The following ARHGAP9 variants were observed in gnomAD, a reference collection of about 807,000 sequenced individuals.
The protein encoded by ARHGAP9 is Rho GTPase activating protein 9.
ARHGAP9 carries 76 observed loss-of-function variants against 87.3 expected under a neutral mutation model. That is an observed-to-expected ratio of 0.87 (90% CI 0.72 to 1.05). The LOEUF (loss-of-function observed/expected upper bound fraction) is 1.05. ARHGAP9 is among the 50% of genes least tolerant of loss of function. The pLI is 0.00. For synonymous variants in ARHGAP9, 382 were observed against 394.9 expected, an observed-to-expected ratio of 0.97 and a Z score of 0.39; for missense variants, 941 against 960.5, an observed-to-expected ratio of 0.98 and a Z score of 0.27.
chr12:57,474,145 C>A lies in ARHGAP9; in HGVS notation c.1815G>T (p.Trp605Cys), dbSNP rs1370003899. ...EGRLDLDSTE[W>C]DDIHVVTGAL... is the part of the protein sequence containing the mutation. ...CTCCGGTGACCACATGAATGTCATC[C>A]CACTCAGTACTGTCCAAATCTAACC... is the stretch of plus-strand genomic sequence containing the variant. Residue 605 changes from tryptophan (W) to cysteine (C), a missense_variant, in exon 16 of 18, where the codon TGG becomes TGT. Coordinates refer to ENST00000393791, the MANE Select transcript of ARHGAP9 (RefSeq NM_032496.4). 6.2e-7 allele frequency: 1 copy of A among 1,614,140 alleles called. No individual in the cohort carries two copies. The highest frequency in any genetic ancestry group is 1.1e-5 in the South Asian group (1 of 91,080).
At chr12:57,483,245 A>C (rs1237451904), upstream of ARHGAP9, among the ~76,000 whole-genome samples, 2 of 152,200 alleles carry the variant, frequency 1.3e-5, no homozygotes, top group African/African-American at 4.8e-5. Flanking sequence ...CCTAGCAGCC[A>C]ACCTGAATTT....
In ARHGAP9 at chr12:57,479,095, A is replaced by G; in HGVS notation, c.312T>C (p.Thr104=). 1 of 1,614,044 alleles carries G rather than the reference A, an allele frequency of 6.2e-7. No individual in the cohort carries two copies. The highest frequency in any genetic ancestry group is 2.2e-5 in the East Asian group (1 of 44,868). The change falls in exon 2 of 18, where the codon ACT becomes ACC. Residue 104 remains threonine (T), a synonymous_variant. Transcript: ENST00000393791. The part of the protein sequence containing the change: ...TTVIPGQLLW[T]PGPKLFHGSL... ...GAGGGCTTAGCGCTTACTCACCAGG[A>G]GTCCAGAGCAATTGGCCGGGGATGA...
chr12:57,477,796 G>GGCT (rs1565625923), intron 3 of ARHGAP9, 116 bp from the exon 4 acceptor site: 1 of 1,535,982 alleles, frequency 6.5e-7, no homozygotes, highest in Admixed American at 2.0e-5. Context: ...GCCAGCTCTG[G>GGCT]GCTGAGGTGA....
chr12:57,474,000 G>T (rs1872708300), intron 16 of ARHGAP9, 42 bp downstream of exon 16: 1 of 1,593,124 alleles, frequency 6.3e-7, no homozygotes, highest in Non-Finnish European at 8.6e-7. Context: ...TACCACCCGT[G>T]TCCCCCACAT....
At position 57,475,943 on chromosome 12, in the gene ARHGAP9, G is replaced by C; in HGVS notation, c.1213-12C>G. On this transcript the variant is annotated splice_polypyrimidine_tract_variant and intron_variant, in intron 9 of 17. Transcript: ENST00000393791. ...GGGATCGTGCGGATCTGAGGGCCAG[G>C]CAAGGAAACGCTCGGGTCAACGGGA... 6.2e-7 allele frequency: 1 copy of C among 1,609,722 alleles called. No individual in the cohort carries two copies. The highest frequency in any genetic ancestry group is 1.1e-5 in the South Asian group (1 of 90,652).
rs774098551 is a variant in ARHGAP9, at chr12:57,478,751, T to A, written c.323A>T (p.Lys108Met). The A allele has an allele frequency of 1.0e-5, 16 of 1,606,456 alleles. No homozygotes were observed. Among genetic ancestry groups the A allele is most frequent in the Non-Finnish European group, 1.4e-5 (16 of 1,174,580 alleles). Reference protein sequence around the residue: ...PGQLLWTPGPKLFHGSLEELS... With the variant: ...PGQLLWTPGPMLFHGSLEELS... ...CTCCTCCAGGGAACCATGAAACAAC[T>A]TCGGCCCTGGAAACAGAAAAGGGGA... is the stretch of plus-strand genomic sequence containing the variant. Residue 108 changes from lysine to methionine, a missense_variant, in exon 3 of 18, where the codon AAG becomes ATG. Coordinates refer to ENST00000393791, the MANE Select transcript of ARHGAP9 (RefSeq NM_032496.4).
chr12:57,475,079 G>T, intron 12 of ARHGAP9, 106 bp from the exon 13 acceptor site: 1 of 1,273,164 alleles, frequency 7.9e-7, no homozygotes, highest in Non-Finnish European at 1.1e-6. Flanking sequence ...CTGGCTGCCT[G>T]TGCCAGGCCT....
At chr12:57,477,743 T>C (rs565918616) in intron 3 of ARHGAP9, 63 bp from the exon 4 acceptor site, 1 of 1,583,572 alleles carries the variant, frequency 6.3e-7, no homozygotes, top group Non-Finnish European at 8.6e-7. Context: ...ATGCTTCTCT[T>C]GGCCTTCCCA....
Position 57,477,651 on chromosome 12 carries a change from G to C in ARHGAP9, c.564C>G (p.Pro188=). ...TAGPQPLMSE[P]PVYCNLVDLR... ...GGTCCACCAGGTTACAGTACACAGG[G>C]GGCTCTGACATGAGGGGCTGGGGGC... The change falls in exon 4 of 18, where the codon CCC becomes CCG. Residue 188 remains proline (P), a synonymous_variant. Transcript: ENST00000393791. The C allele has an allele frequency of 6.2e-7, 1 of 1,613,278 alleles. No individual in the cohort carries two copies. Among genetic ancestry groups the C allele is most frequent in the Non-Finnish European group, 8.5e-7 (1 of 1,179,622 alleles).
Position 57,476,175 on chromosome 12 carries a change from G to A in ARHGAP9, c.1117-9C>T. ...CGGCTACCCGCTGGTCCCTGACAATGAGGGAGGAAACTGAGGCCACGGTGT... is the reference window on the plus strand; with the variant it reads ...CGGCTACCCGCTGGTCCCTGACAATAAGGGAGGAAACTGAGGCCACGGTGT... On this transcript the variant is annotated splice_polypyrimidine_tract_variant and intron_variant, in intron 8 of 17. Coordinates refer to ENST00000393791, the MANE Select transcript of ARHGAP9 (RefSeq NM_032496.4). 1 of 1,535,554 alleles carries A rather than the reference G, an allele frequency of 6.5e-7. No homozygotes were observed. Among genetic ancestry groups the A allele is most frequent in the South Asian group, 1.2e-5 (1 of 82,426 alleles).
chr12:57,476,952 G>T lies in ARHGAP9; in HGVS notation c.882C>A (p.Ser294Arg). ...CAAGCTGCGAGGTGCGTTGGCTGAG[G>T]CTGAGTGAACCCTAGGGGAGAGGAT... ...PEPLDPQGSL[S>R]LSQRTSQLDP... The change falls in exon 6 of 18, where the codon AGC becomes AGA. Residue 294 changes from serine (S) to arginine (R), a missense_variant. Physicochemically the swap from Ser to Arg is moderately radical, Grantham distance 110. Transcript: ENST00000393791. The T allele has an allele frequency of 6.2e-7, 1 of 1,613,654 alleles. No individual in the cohort carries two copies. The highest frequency in any genetic ancestry group is 1.1e-5 in the South Asian group (1 of 91,048).
chr12:57,479,371 C>T lies in ARHGAP9; in HGVS notation c.36G>A (p.Gly12=), dbSNP rs777771531. The T allele has an allele frequency of 3.7e-6, 6 of 1,613,456 alleles. No homozygotes were observed. The South Asian group carries it at 5.5e-5, about 15-fold the overall frequency. Residue 12 remains glycine (G), a synonymous_variant, in exon 2 of 18, where the codon GGG becomes GGA. Transcript: ENST00000393791. ...LSSRWWPSSW[G]ILGLGPRSPP... ...GGCTTCGGGGGCCCAGCCCTAGGAT[C>T]CCCCAGGAACTTGGCCACCACCGGC...
chr12:57,479,441 C>A lies in ARHGAP9; in HGVS notation c.-18-17G>T, dbSNP rs1442347886. 6 of 1,598,442 alleles carry A rather than the reference C, an allele frequency of 3.8e-6. No homozygotes were observed. The highest frequency in any genetic ancestry group is 5.1e-6 in the Non-Finnish European group (6 of 1,173,242). ...CACTGTCACCTGTGAGAAAAAGGGA[C>A]ACTGGAGACCCAGAAGGGAATAGGC... On this transcript the variant is annotated splice_polypyrimidine_tract_variant and intron_variant, in intron 1 of 17. Coordinates refer to ENST00000393791, the MANE Select transcript of ARHGAP9 (RefSeq NM_032496.4).
chr12:57,477,586 C>T lies in ARHGAP9; in HGVS notation c.629G>A (p.Cys210Tyr). Residue 210 changes from cysteine to tyrosine, a missense_variant, in exon 4 of 18, where the codon TGC becomes TAC. Cys to Tyr is a radical substitution (Grantham distance 194, BLOSUM62 -2). Transcript: ENST00000393791. ...CPRSPPPGPA[C>Y]PLLQRLDAWE... is the part of the protein sequence containing the mutation. ...GGCATCCAGCCTCTGCAGCAGGGGG[C>T]ATGCAGGGCCTGGGGGTGGGGACCG... is the stretch of plus-strand genomic sequence containing the variant. 2 of 1,612,810 alleles carry T rather than the reference C, an allele frequency of 1.2e-6. No individual in the cohort carries two copies. Among genetic ancestry groups the T allele is most frequent in the Non-Finnish European group, 1.7e-6 (2 of 1,179,326 alleles).
At chr12:57,475,132 A>G (rs1594768570) in intron 12 of ARHGAP9, 159 bp from the exon 13 acceptor site, 2 of 1,117,912 alleles carry the variant, frequency 1.8e-6, no homozygotes, top group Non-Finnish European at 2.5e-6. Context: ...TGCTTCAAAC[A>G]ATCTGGCAAA....
rs746754367 is a variant in ARHGAP9, at chr12:57,479,111, C to T, written c.296G>A (p.Gly99Asp). The T allele has an allele frequency of 2.5e-6, 4 of 1,614,070 alleles. No individual in the cohort carries two copies. In the Admixed American group the frequency reaches 5.0e-5, roughly 20 times the overall value. ...CTCACCAGGAGTCCAGAGCAATTGG[C>T]CGGGGATGACGGTAGTTGGACTCTG... ...PSQSPTTVIP[G>D]QLLWTPGPKL... is the part of the protein sequence containing the mutation. Residue 99 changes from glycine (G) to aspartate (D), a missense_variant, in exon 2 of 18, where the codon GGC becomes GAC. Gly to Asp is a moderately conservative substitution (Grantham distance 94). Transcript: ENST00000393791.
At chr12:57,485,436 A>G (rs1351792699) in intron 1 of ARHGAP9, among the ~76,000 whole-genome samples, 1 of 151,256 alleles carries the variant, frequency 6.6e-6, no homozygotes, top group Admixed American at 6.6e-5. Flanking sequence ...GGTGTCTGTA[A>G]TCCCGGCTAC....
intron 8 of ARHGAP9, 27 bp from the exon 9 acceptor site, chr12:57,476,193 C>T (rs1594775125): frequency 1.3e-6 from 2 of 1,526,028 alleles, no homozygotes; most frequent in Non-Finnish European, 1.8e-6. Context: ...AAACTGAGGC[C>T]ACGGTGTTGT....
intron 1 of ARHGAP9, chr12:57,488,291 C>G: frequency 8.4e-7 from 1 of 1,192,922 alleles, no homozygotes; most frequent in Non-Finnish European, 1.2e-6. Flanking sequence ...ACCCCTAGCC[C>G]TCGCCACACA....
Sources: allele counts gnomAD v4.1 joint callset (sites outside exome capture counted in the v4.1 genomes callset), GRCh38; gene constraint gnomAD v4.1.1; transcripts MANE v1.5; gene names NCBI Gene and HGNC (gene_info 2026-07-23, HGNC 2026-07-21).